Variants in RBMS3 observed in about 807,000 individuals in gnomAD.
The protein encoded by RBMS3 is RNA-binding motif, single-stranded-interacting protein 3.
Under a neutral mutation model 66.8 loss-of-function variants are expected in RBMS3, and 27 were observed. That is an observed-to-expected ratio of 0.40 (90% CI 0.30 to 0.56). RBMS3 has a LOEUF of 0.56. Among genes scored for constraint, RBMS3 ranks in the 20% least tolerant of loss-of-function variants. The pLI, the probability that RBMS3 is intolerant of heterozygous loss-of-function variation, is 0.40. For synonymous variants in RBMS3, 188 were observed against 183.0 expected (o/e 1.03, Z -0.22); for missense variants, 513 against 549.5 (o/e 0.93, Z 0.66).
chr3:29,777,610 A>G (rs533044902), intron 6 of RBMS3, among the ~76,000 whole-genome samples: 1 of 152,080 alleles, frequency 6.6e-6, no homozygotes, highest in East Asian at 1.9e-4. Flanking sequence ...TAAAAGCACA[A>G]GAACCCTTTT....
At chr3:29,363,799 TAAA>T (rs35770680) in intron 1 of RBMS3, among the ~76,000 whole-genome samples, 6,299 of 142,848 alleles carry the variant, frequency 0.044, 169 homozygotes, top group Middle Eastern at 0.075. Flanking sequence ...CAAAAACAAT[TAAA>T]AAAAAAAAAA....
rs114990893 is a variant in RBMS3 at position 29,510,992 on chromosome 3, C to T, written c.307+22493C>T. ...AATCTTTCAACAGATGCCATGAGAA[C>T]TGATTAAAATAAAAAGTTAATTTTG... On this transcript the variant is annotated intron_variant, in intron 3 of 14. Coordinates refer to ENST00000383767, the MANE Select transcript of RBMS3 (RefSeq NM_001003793.3). Among the ~76,000 whole-genome samples the T allele has an allele frequency of 4.6e-3, 696 of 152,266 alleles. 4 individuals carry two copies. Among genetic ancestry groups the T allele is most frequent in the African/African-American group, 0.016 (648 of 41,568 alleles).
intron 3 of RBMS3, among the ~76,000 whole-genome samples, chr3:29,560,479 C>T (rs1374064581): frequency 6.6e-6 from 1 of 152,188 alleles, no homozygotes; most frequent in Non-Finnish European, 1.5e-5. Flanking sequence ...AAACATACAT[C>T]ACCAAAGACA....
chr3:29,952,843 C>T (rs141374991), intron 12 of RBMS3, among the ~76,000 whole-genome samples: 104 of 151,754 alleles, frequency 6.9e-4, no homozygotes, highest in South Asian at 1.2e-3. Flanking sequence ...GACTCAGATA[C>T]GGGAATGCAC....
intron 2 of RBMS3, among the ~76,000 whole-genome samples, chr3:29,439,268 C>T (rs756822771): frequency 2.6e-5 from 4 of 152,146 alleles, no homozygotes; most frequent in South Asian, 2.1e-4. Flanking sequence ...TTGTCATAAA[C>T]AGGAAGTTCG....
chr3:29,494,459 A>G (rs891045880), intron 3 of RBMS3, among the ~76,000 whole-genome samples: 4 of 152,214 alleles, frequency 2.6e-5, no homozygotes, highest in African/African-American at 9.6e-5. Context: ...AGCAGTCACC[A>G]TCAAGCCAAA....
chr3:29,640,553 C>A (rs1461347690), intron 4 of RBMS3, among the ~76,000 whole-genome samples: 3 of 151,830 alleles, frequency 2.0e-5, no homozygotes, highest in Non-Finnish European at 4.4e-5. Flanking sequence ...AATAAAATCC[C>A]TGGGTTCTTG....
At position 29,385,092 on chromosome 3, in the gene RBMS3, C is replaced by T. The variant is rs1314394684; in HGVS notation, c.76-49651C>T. Among the ~76,000 whole-genome samples the T allele has an allele frequency of 3.9e-5, 6 of 152,302 alleles. No individual in the cohort carries two copies. In the East Asian group the frequency reaches 5.8e-4, roughly 15 times the overall value. The stretch of plus-strand genomic sequence containing the variant: ...TAAAGACTAAACAGTAGATACTCTT[C>T]AGTGAGTGGTTAGTCCAGCATTACC... On this transcript the variant is annotated intron_variant, in intron 1 of 14. Coordinates refer to ENST00000383767, the MANE Select transcript of RBMS3 (RefSeq NM_001003793.3).
intron 4 of RBMS3, among the ~76,000 whole-genome samples, chr3:29,591,768 A>G (rs960523673): frequency 7.9e-5 from 12 of 152,180 alleles, no homozygotes; most frequent in African/African-American, 2.7e-4. Flanking sequence ...GATTCCAAAT[A>G]TGAGTAAACA....
intron 6 of RBMS3, among the ~76,000 whole-genome samples, chr3:29,861,064 C>T (rs534166757): frequency 1.5e-4 from 23 of 152,216 alleles, no homozygotes; most frequent in Non-Finnish European, 3.1e-4. Context: ...GGGGTTTCAC[C>T]GTGTTAGCCA....
intron 8 of RBMS3, among the ~76,000 whole-genome samples, chr3:29,890,628 T>C (rs1440156117): frequency 6.6e-6 from 1 of 151,518 alleles, no homozygotes; most frequent in East Asian, 1.9e-4. Flanking sequence ...AAAAAGAAAA[T>C]GCTCACGTCA....
intron 1 of RBMS3, among the ~76,000 whole-genome samples, chr3:29,356,263 T>C (rs1386977602): frequency 2.6e-5 from 4 of 152,208 alleles, no homozygotes; most frequent in Non-Finnish European, 5.9e-5. Flanking sequence ...GCATTGTCTC[T>C]TTCTTTTGAA....
At chr3:29,969,002 C>A (rs1300065394) in intron 12 of RBMS3, among the ~76,000 whole-genome samples, 4 of 152,184 alleles carry the variant, frequency 2.6e-5, no homozygotes, top group Admixed American at 6.5e-5. Flanking sequence ...TCAAAAACTT[C>A]TGCTTAATTA....
intron 1 of RBMS3, among the ~76,000 whole-genome samples, chr3:29,351,156 G>C (rs779222785): frequency 2.0e-5 from 3 of 152,004 alleles, no homozygotes; most frequent in Non-Finnish European, 4.4e-5. Flanking sequence ...TGTATTTGCT[G>C]TAGTTAATTA....
intron 1 of RBMS3, among the ~76,000 whole-genome samples, chr3:29,401,175 A>G (rs2039795051): frequency 6.6e-6 from 1 of 152,016 alleles, no homozygotes; most frequent in Non-Finnish European, 1.5e-5. Flanking sequence ...GAGTTGTCCC[A>G]TTTTCTCCCA....
intron 1 of RBMS3, among the ~76,000 whole-genome samples, chr3:29,289,637 T>C (rs2125421145): frequency 6.6e-6 from 1 of 152,052 alleles, no homozygotes; most frequent in Non-Finnish European, 1.5e-5. Flanking sequence ...TTTTGTTTCA[T>C]GAATGATAAA....
chr3:29,283,872 A>G (rs1287440866), intron 1 of RBMS3, among the ~76,000 whole-genome samples: 3 of 152,156 alleles, frequency 2.0e-5, no homozygotes, highest in Non-Finnish European at 4.4e-5. Context: ...AGATGAGAAA[A>G]TGTGCCCTGT....
At chr3:29,560,530 T>C (rs112471197) in intron 3 of RBMS3, among the ~76,000 whole-genome samples, 6 of 152,246 alleles carry the variant, frequency 3.9e-5, no homozygotes, top group African/African-American at 1.4e-4. Flanking sequence ...ACAGTCATTA[T>C]TAAAATTTAA....
chr3:29,907,647 A>T (rs2060413188), intron 10 of RBMS3, among the ~76,000 whole-genome samples: 1 of 152,088 alleles, frequency 6.6e-6, no homozygotes. Context: ...ACTTGTGAAT[A>T]GTTTATTATC....
Sources: allele counts gnomAD v4.1 joint callset (sites outside exome capture counted in the v4.1 genomes callset), GRCh38; gene constraint gnomAD v4.1.1; transcripts MANE v1.5; gene names NCBI Gene and HGNC (gene_info 2026-07-23, HGNC 2026-07-21).